The following ABCA1 variants were observed in gnomAD, a reference collection of about 807,000 sequenced individuals.
ABCA1 encodes the protein ATP binding cassette subfamily A member 1.
A neutral mutation model predicts 262.5 loss-of-function variants in ABCA1; 133 were observed. The observed-to-expected ratio is 0.51, with a 90% CI of 0.44 to 0.59. The LOEUF (loss-of-function observed/expected upper bound fraction) is 0.59, where lower values mean the gene tolerates loss of function less well. Among genes scored for constraint, ABCA1 ranks in the 20% least tolerant of loss-of-function variants. The pLI is 0.00. For synonymous variants in ABCA1, 1,022 were observed against 1,043.5 expected (o/e 0.98, Z 0.40); for missense variants, 2,452 against 2,777.5 (o/e 0.88, Z 2.63).
intron 5 of ABCA1, among the ~76,000 whole-genome samples, chr9:104,882,223 A>G (rs1838742152): frequency 6.6e-6 from 1 of 152,162 alleles, no homozygotes; most frequent in South Asian, 2.1e-4. Context: ...CCATTGGTCC[A>G]TGATGGGGAG....
intron 9 of ABCA1, among the ~76,000 whole-genome samples, chr9:104,837,999 A>C (rs1450099476): frequency 6.6e-6 from 1 of 152,208 alleles, no homozygotes; most frequent in Non-Finnish European, 1.5e-5. Context: ...GGCAACCAGA[A>C]GGCTGAATTC....
chr9:104,910,865 C>A (rs573811091), intron 1 of ABCA1, among the ~76,000 whole-genome samples: 3 of 152,154 alleles, frequency 2.0e-5, no homozygotes, highest in Admixed American at 1.3e-4. Context: ...CCACCAAGCC[C>A]AGCTAACTTT....
chr9:104,873,969 A>G (rs960970655), intron 5 of ABCA1, among the ~76,000 whole-genome samples: 1 of 152,188 alleles, frequency 6.6e-6, no homozygotes, highest in Non-Finnish European at 1.5e-5. Flanking sequence ...TATATTTCCC[A>G]GGGAATATTT....
intron 1 of ABCA1, among the ~76,000 whole-genome samples, chr9:104,913,857 G>C (rs1304287110): frequency 6.6e-6 from 1 of 152,038 alleles, no homozygotes; most frequent in Non-Finnish European, 1.5e-5. Context: ...GTGCAGTGGC[G>C]CGATCTCGGC....
intron 16 of ABCA1, among the ~76,000 whole-genome samples, 189 bp downstream of exon 16, chr9:104,826,759 C>T (rs1210640061): frequency 1.3e-5 from 2 of 152,222 alleles, no homozygotes; most frequent in Non-Finnish European, 2.9e-5. Flanking sequence ...ACTGAGAAGA[C>T]TAAAGGTAAA....
intron 44 of ABCA1, among the ~76,000 whole-genome samples, chr9:104,790,268 G>C (rs1829313400): frequency 6.6e-6 from 1 of 152,140 alleles, no homozygotes; most frequent in African/African-American, 2.4e-5. Context: ...TCTTTAGAGA[G>C]GGCAATTTAC....
At position 104,832,715 on chromosome 9, in the gene ABCA1, T is replaced by C. The variant is rs1222222794; in HGVS notation, c.1368A>G (p.Leu456=). The change falls in exon 12 of 50, where the codon TTA becomes TTG. Residue 456 remains leucine (L), a synonymous_variant. Coordinates refer to ENST00000374736, the MANE Select transcript of ABCA1 (RefSeq NM_005502.4). ...DHFWEQQLDG[L]DWTAQDIVAF... ...CCACGATGTCTTGGGCTGTCCAATC[T>C]AAGCCATCCAACTGCTGTTCCCAAA... 6.2e-7 allele frequency: 1 copy of C among 1,614,226 alleles called. No individual in the cohort carries two copies.
Position 104,821,455 on chromosome 9 carries a change from C to G in ABCA1, c.2880G>C (p.Leu960=). 3 of 1,614,084 alleles carry G rather than the reference C, an allele frequency of 1.9e-6. No homozygotes were observed. Among genetic ancestry groups the G allele is most frequent in the Non-Finnish European group, 2.5e-6 (3 of 1,180,014 alleles). The change falls in exon 20 of 50, where the codon CTG becomes CTC. Residue 960 remains leucine (L), a synonymous_variant. Coordinates refer to ENST00000374736, the MANE Select transcript of ABCA1 (RefSeq NM_005502.4). ...FPPTSGTAYI[L]GKDIRSEMST... ...TCATCTCAGAGCGAATGTCTTTTCC[C>G]AGGATGTAGGCGGTGCCCGAGGTCG...
chr9:104,798,473 A>C lies in ABCA1; in HGVS notation c.5069T>G (p.Ile1690Ser). Reference sequence around the variant, plus strand: ...GTAGATGACAGGCTTCACTCCACTGATGAACTGCAGGTGTTTTGCTTTGCT... The same window carrying C: ...GTAGATGACAGGCTTCACTCCACTGCTGAACTGCAGGTGTTTTGCTTTGCT... ...RVSKAKHLQF[I>S]SGVKPVIYWL... Residue 1690 changes from isoleucine to serine, a missense_variant, in exon 37 of 50, where the codon ATC becomes AGC. Physicochemically the swap from Ile to Ser is moderately radical, Grantham distance 142. Transcript: ENST00000374736. 4.3e-6 allele frequency: 7 copies of C among 1,614,192 alleles called. No homozygotes were observed. The highest frequency in any genetic ancestry group is 5.1e-6 in the Non-Finnish European group (6 of 1,180,022).
chr9:104,887,053 G>A (rs1311357154), intron 3 of ABCA1, among the ~76,000 whole-genome samples: 1 of 152,196 alleles, frequency 6.6e-6, no homozygotes, highest in Non-Finnish European at 1.5e-5. Context: ...TGAGGCGGGC[G>A]AATCACCTGA....
intron 1 of ABCA1, among the ~76,000 whole-genome samples, chr9:104,925,338 T>C (rs1842368147): frequency 6.9e-6 from 1 of 145,752 alleles, no homozygotes; most frequent in African/African-American, 2.5e-5. Flanking sequence ...ATCGTGCCAC[T>C]GCACTCCAGC....
intron 5 of ABCA1, among the ~76,000 whole-genome samples, chr9:104,880,933 G>C (rs1319574679): frequency 6.6e-6 from 1 of 152,068 alleles, no homozygotes; most frequent in Non-Finnish European, 1.5e-5. Flanking sequence ...GGCAGATCAC[G>C]AGGTTAGGAG....
intron 5 of ABCA1, among the ~76,000 whole-genome samples, chr9:104,862,637 G>GCCCCCCAC (rs1554729290): frequency 5.8e-4 from 1 of 1,718 alleles, no homozygotes; most frequent in Non-Finnish European, 1.4e-3. Flanking sequence ...AGACTGCCGG[G>GCCCCCCAC]CCGGGCCGGG....
At chr9:104,785,746 C>T (rs1249635051) in intron 48 of ABCA1, 107 bp from the exon 49 acceptor site, 10 of 1,372,858 alleles carry the variant, frequency 7.3e-6, no homozygotes, top group Non-Finnish European at 1.0e-5. Flanking sequence ...CGGCCCCTGG[C>T]AGGCCCAGAA....
chr9:104,909,728 C>G (rs938860440), intron 1 of ABCA1, among the ~76,000 whole-genome samples: 2 of 151,770 alleles, frequency 1.3e-5, no homozygotes, highest in Non-Finnish European at 2.9e-5. Flanking sequence ...CCCACCTCTT[C>G]CTCACCAAAA....
chr9:104,818,585 G>A, intron 23 of ABCA1, 78 bp downstream of exon 23: 1 of 1,356,354 alleles, frequency 7.4e-7, no homozygotes, highest in Non-Finnish European at 1.1e-6. Flanking sequence ...AAGGGGTGGA[G>A]ATGGAGAAAT....
intron 22 of ABCA1, 55 bp downstream of exon 22, chr9:104,819,531 A>G: frequency 8.1e-6 from 13 of 1,612,356 alleles, no homozygotes; most frequent in Non-Finnish European, 1.0e-5. Flanking sequence ...ACACTTCTCA[A>G]AAGCCCCCCG....
chr9:104,903,985 C>T (rs1840882519), intron 1 of ABCA1, among the ~76,000 whole-genome samples: 1 of 152,168 alleles, frequency 6.6e-6, no homozygotes, highest in African/African-American at 2.4e-5. Flanking sequence ...AGGCTAGGAG[C>T]TACGTGTTAT....
chr9:104,840,020 C>T (rs2119033655), intron 9 of ABCA1, among the ~76,000 whole-genome samples: 1 of 152,332 alleles, frequency 6.6e-6, no homozygotes, highest in Non-Finnish European at 1.5e-5. Context: ...CCCAGAAAAC[C>T]AGAAGGTTGG....
Sources: allele counts gnomAD v4.1 joint callset (sites outside exome capture counted in the v4.1 genomes callset), GRCh38; gene constraint gnomAD v4.1.1; transcripts MANE v1.5; gene names NCBI Gene and HGNC (gene_info 2026-07-23, HGNC 2026-07-21).